Variants in RHOJ observed in about 807,000 individuals in gnomAD.
RHOJ encodes the protein ras homolog family member J, also known as rho-related GTP-binding protein RhoJ.
Under a neutral mutation model 23.4 loss-of-function variants are expected in RHOJ, and 11 were observed. The observed-to-expected ratio is 0.47, with a 90% CI of 0.30 to 0.78. RHOJ has a LOEUF of 0.78. Ranked by LOEUF, RHOJ falls within the 30% of genes least tolerant of loss-of-function variation. The probability of loss-of-function intolerance (pLI) is 0.08; values close to 1 mark genes in which losing one functional copy is unlikely to be tolerated. For synonymous variants in RHOJ, 102 were observed against 102.7 expected, an observed-to-expected ratio of 0.99 and a Z score of 0.04; for missense variants, 254 against 273.4, an observed-to-expected ratio of 0.93 and a Z score of 0.50.
At chr14:63,290,835 T>C in intron 4 of RHOJ, 43 bp from the exon 5 acceptor site, 1 of 1,565,902 alleles carries the variant, frequency 6.4e-7, no homozygotes. Context: ...TGTGCTTTTC[T>C]CTCTTTTTTA....
chr14:63,213,760 C>T (rs1894291599), intron 1 of RHOJ, among the ~76,000 whole-genome samples: 1 of 152,140 alleles, frequency 6.6e-6, no homozygotes, highest in Non-Finnish European at 1.5e-5. Context: ...CAGGGATCTA[C>T]TTTTTTCCAT....
chr14:63,270,951 A>G (rs370691692), intron 2 of RHOJ, among the ~76,000 whole-genome samples: 7 of 152,152 alleles, frequency 4.6e-5, no homozygotes, highest in African/African-American at 1.4e-4. Context: ...TTTAAATCCA[A>G]TAAAACTCTT....
At chr14:63,215,953 A>G (rs1894346583) in intron 1 of RHOJ, among the ~76,000 whole-genome samples, 1 of 152,178 alleles carries the variant, frequency 6.6e-6, no homozygotes, top group Non-Finnish European at 1.5e-5. Context: ...TAACCAGTGC[A>G]CTACACTGAA....
chr14:63,277,052 T>C (rs545333540), intron 2 of RHOJ, among the ~76,000 whole-genome samples: 2 of 152,212 alleles, frequency 1.3e-5, no homozygotes, highest in Admixed American at 1.3e-4. Flanking sequence ...CCTAGATAAG[T>C]GAGTTAAGAA....
rs1222781277 is a variant in RHOJ, at chr14:63,290,947, G to A, written c.568G>A (p.Ala190Thr). 1 of 1,613,930 alleles carries A rather than the reference G, an allele frequency of 6.2e-7. No homozygotes were observed. Among genetic ancestry groups the A allele is most frequent in the African/African-American group, 1.3e-5 (1 of 74,866 alleles). ...QKGLKAVFDEAILTIFHPKKK... is the reference protein window; with the variant it reads ...QKGLKAVFDETILTIFHPKKK... ...AGGTCTCAAAGCGGTTTTTGATGAA[G>A]CAATCCTCACCATTTTCCACCCCAA... is the stretch of plus-strand genomic sequence containing the variant. Residue 190 changes from alanine (A) to threonine (T), a missense_variant, in exon 5 of 5, where the codon GCA (alanine) becomes ACA (threonine). Ala to Thr is a moderately conservative substitution (Grantham distance 58). Transcript: ENST00000316754.
At chr14:63,258,300 T>G (rs2139646963) in intron 1 of RHOJ, among the ~76,000 whole-genome samples, 1 of 151,780 alleles carries the variant, frequency 6.6e-6, no homozygotes, top group South Asian at 2.1e-4. Flanking sequence ...CCTTTAACCT[T>G]CTGGTCTAAT....
At chr14:63,269,921 A>G (rs759629917) in intron 2 of RHOJ, among the ~76,000 whole-genome samples, 3 of 152,204 alleles carry the variant, frequency 2.0e-5, no homozygotes, top group South Asian at 2.1e-4. Flanking sequence ...CTCAAGTTCT[A>G]ATGTTCTAAT....
At chr14:63,247,020 T>C (rs1260862303) in intron 1 of RHOJ, among the ~76,000 whole-genome samples, 1 of 152,184 alleles carries the variant, frequency 6.6e-6, no homozygotes, top group African/African-American at 2.4e-5. Context: ...TTACAGATTT[T>C]GAGACAGAAC....
chr14:63,234,692 A>G (rs868216308), intron 1 of RHOJ, among the ~76,000 whole-genome samples: 2 of 152,152 alleles, frequency 1.3e-5, no homozygotes, highest in South Asian at 4.1e-4. Context: ...AAAATAAACC[A>G]TTAACATAAT....
intron 4 of RHOJ, among the ~76,000 whole-genome samples, chr14:63,285,692 C>T (rs1329164314): frequency 1.3e-5 from 2 of 152,142 alleles, no homozygotes; most frequent in African/African-American, 4.8e-5. Flanking sequence ...TTTTAATCCT[C>T]AGCCTACTTT....
intron 2 of RHOJ, among the ~76,000 whole-genome samples, chr14:63,273,469 C>T (rs1470505504): frequency 1.3e-5 from 2 of 152,178 alleles, no homozygotes; most frequent in Non-Finnish European, 2.9e-5. Context: ...AGTTTGTTTA[C>T]AATGCTTCAG....
At chr14:63,205,076 C>A (rs775391315) in intron 1 of RHOJ, 29 bp downstream of exon 1, 1 of 1,600,164 alleles carries the variant, frequency 6.2e-7, no homozygotes, top group East Asian at 2.2e-5. Flanking sequence ...CTCTCTGCAT[C>A]CAGACAAACG....
chr14:63,217,106 C>CT (rs1894376942), intron 1 of RHOJ, among the ~76,000 whole-genome samples: 2 of 142,926 alleles, frequency 1.4e-5, no homozygotes, highest in African/African-American at 2.6e-5. Flanking sequence ...TATTATTATA[C>CT]TTTAAGTTTT....
intron 4 of RHOJ, among the ~76,000 whole-genome samples, chr14:63,289,060 C>A (rs1184947156): frequency 1.3e-5 from 2 of 152,172 alleles, no homozygotes; most frequent in Non-Finnish European, 2.9e-5. Context: ...ATTCATTTTA[C>A]CTCTCTGGGG....
chr14:63,210,819 C>G (rs1351236619), intron 1 of RHOJ, among the ~76,000 whole-genome samples: 1 of 152,214 alleles, frequency 6.6e-6, no homozygotes, highest in Non-Finnish European at 1.5e-5. Context: ...GTAAAATAAG[C>G]TCATTCCAGC....
Position 63,222,933 on chromosome 14 carries a change from T to G in RHOJ, c.178+17886T>G, listed in dbSNP as rs1894525298. 3.9e-5 allele frequency among the ~76,000 whole-genome samples: 6 copies of G among 152,302 alleles called. 1 individual carries two copies. In the South Asian group the frequency reaches 1.2e-3, roughly 32 times the overall value. ...TGCAACTTTTTAAAAAGCATTTTATTTATTGCCCTCCTCACCTCTGTGTTT... is the reference window on the plus strand; with the variant it reads ...TGCAACTTTTTAAAAAGCATTTTATGTATTGCCCTCCTCACCTCTGTGTTT... On this transcript the variant is annotated intron_variant, in intron 1 of 4. Coordinates refer to ENST00000316754, the MANE Select transcript of RHOJ (RefSeq NM_020663.5).
intron 1 of RHOJ, among the ~76,000 whole-genome samples, chr14:63,232,129 T>C (rs1411654174): frequency 6.6e-6 from 1 of 152,176 alleles, no homozygotes; most frequent in Non-Finnish European, 1.5e-5. Flanking sequence ...CATTTTATTT[T>C]TCTTGGGAAA....
chr14:63,272,236 T>G (rs1341537639), intron 2 of RHOJ, among the ~76,000 whole-genome samples: 1 of 152,258 alleles, frequency 6.6e-6, no homozygotes, highest in African/African-American at 2.4e-5. Flanking sequence ...GTAACAAATT[T>G]AATTTGGAAA....
At chr14:63,254,987 C>T (rs1482130757) in intron 1 of RHOJ, among the ~76,000 whole-genome samples, 1 of 152,152 alleles carries the variant, frequency 6.6e-6, no homozygotes, top group African/African-American at 2.4e-5. Flanking sequence ...GCCTTCTTGG[C>T]CCCCATCGCT....
Sources: allele counts gnomAD v4.1 joint callset (sites outside exome capture counted in the v4.1 genomes callset), GRCh38; gene constraint gnomAD v4.1.1; transcripts MANE v1.5; gene names NCBI Gene and HGNC (gene_info 2026-07-23, HGNC 2026-07-21).